Variants in LBH observed in about 807,000 individuals in gnomAD.
LBH encodes LBH regulator of Wnt signaling pathway.
A neutral mutation model predicts 12.5 loss-of-function variants in LBH; 7 were observed. The ratio of observed to expected loss-of-function variants is 0.56; its 90% CI spans 0.32 to 1.05. LBH has a LOEUF of 1.05. Among genes scored for constraint, LBH ranks in the 50% least tolerant of loss-of-function variants. LBH has a pLI of 0.04. For synonymous variants in LBH, 51 were observed against 50.1 expected (o/e 1.02, Z -0.08); for missense variants, 119 against 138.9 (o/e 0.86, Z 0.72).
intron 2 of LBH, among the ~76,000 whole-genome samples, chr2:30,251,795 T>C (rs892018551): frequency 6.6e-6 from 1 of 152,116 alleles, no homozygotes; most frequent in Non-Finnish European, 1.5e-5. Context: ...TAAATGGCCC[T>C]GTGTGGTGAG....
At chr2:30,244,741 C>T (rs998124306) in intron 2 of LBH, among the ~76,000 whole-genome samples, 2 of 151,756 alleles carry the variant, frequency 1.3e-5, no homozygotes, top group Non-Finnish European at 2.9e-5. Context: ...ATCTCTACAA[C>T]AAATACAAAA....
chr2:30,243,861 A>T (rs1366658991), intron 2 of LBH, among the ~76,000 whole-genome samples: 2 of 151,964 alleles, frequency 1.3e-5, no homozygotes, highest in African/African-American at 4.8e-5. Context: ...ATCTTAACAT[A>T]ATGGAAGTCT....
At chr2:30,250,458 G>A (rs1486012245) in intron 2 of LBH, among the ~76,000 whole-genome samples, 1 of 151,856 alleles carries the variant, frequency 6.6e-6, no homozygotes, top group East Asian at 1.9e-4. Context: ...TCTTTGCAGA[G>A]CCCTCGGCCT....
At chr2:30,234,272 C>A in intron 1 of LBH, 133 bp from the exon 2 acceptor site, 1 of 707,886 alleles carries the variant, frequency 1.4e-6, no homozygotes, top group Non-Finnish European at 2.5e-6. Context: ...GCTTGTTTTG[C>A]TGCAAGTTCT....
In LBH at chr2:30,259,575, G is replaced by C. The variant is rs957821332; in HGVS notation, c.*1954G>C. The C allele has an allele frequency of 6.5e-6, 1 of 152,726 alleles. No homozygotes were observed. The highest frequency in any genetic ancestry group is 1.5e-5 in the Non-Finnish European group (1 of 68,138). 9.5% of individuals were successfully genotyped at this position (152,726 alleles called of 1,614,324 possible). On this transcript the variant is annotated 3_prime_UTR_variant, in exon 3 of 3. Transcript: ENST00000395323. Reference sequence around the variant, plus strand: ...CCTTATCTGCTACCCTGAATCACCTGTCCTGGTCTTGCTGTGTGATGGGAA... The same window carrying C: ...CCTTATCTGCTACCCTGAATCACCTCTCCTGGTCTTGCTGTGTGATGGGAA...
At chr2:30,232,445 C>T in intron 1 of LBH, 2 of 518,670 alleles carry the variant, frequency 3.9e-6, no homozygotes, top group Non-Finnish European at 3.3e-6. Context: ...GAGGTTTGCC[C>T]CGGACTGGGG....
At chr2:30,234,104 C>T (rs1286468929) in intron 1 of LBH, among the ~76,000 whole-genome samples, 2 of 152,162 alleles carry the variant, frequency 1.3e-5, no homozygotes, top group Non-Finnish European at 2.9e-5. Flanking sequence ...CTGGTTCTGT[C>T]ATTTAAAGAA....
intron 2 of LBH, among the ~76,000 whole-genome samples, chr2:30,255,538 C>A (rs1678069767): frequency 6.6e-6 from 1 of 152,148 alleles, no homozygotes; most frequent in Admixed American, 6.5e-5. Context: ...GCTTAATCCC[C>A]AGCAATAGGT....
intron 2 of LBH, among the ~76,000 whole-genome samples, chr2:30,247,904 C>T (rs2103560791): frequency 6.6e-6 from 1 of 152,302 alleles, no homozygotes; most frequent in South Asian, 2.1e-4. Context: ...CAGTTTCTTC[C>T]ACTGTTGCTT....
At chr2:30,245,293 T>G (rs1005074024) in intron 2 of LBH, among the ~76,000 whole-genome samples, 2 of 152,238 alleles carry the variant, frequency 1.3e-5, no homozygotes, top group African/African-American at 2.4e-5. Flanking sequence ...GTATTTGTAA[T>G]CCATTTAGTA....
chr2:30,232,398 TGAAGGGGAAGGAGCCC>T (rs1440446423), intron 1 of LBH: 175 of 809,760 alleles, frequency 2.2e-4, no homozygotes, highest in Non-Finnish European at 3.0e-4. Flanking sequence ...TTCGCCGTGC[TGAAGGGGAAGGAGCCC>T]GGGCCGGGCG....
At chr2:30,251,232 C>A (rs1677973437) in intron 2 of LBH, among the ~76,000 whole-genome samples, 1 of 151,632 alleles carries the variant, frequency 6.6e-6, no homozygotes, top group African/African-American at 2.4e-5. Flanking sequence ...ATTTTAGCCA[C>A]CTTTCAAGTG....
intron 2 of LBH, among the ~76,000 whole-genome samples, chr2:30,238,751 C>T (rs1677733015): frequency 6.6e-6 from 1 of 152,164 alleles, no homozygotes; most frequent in African/African-American, 2.4e-5. Context: ...AGAGCCTCAG[C>T]TATGGCCCTG....
intron 2 of LBH, among the ~76,000 whole-genome samples, chr2:30,255,136 T>C (rs953212167): frequency 3.3e-5 from 5 of 152,256 alleles, no homozygotes; most frequent in African/African-American, 9.6e-5. Context: ...AGCTGACATC[T>C]GAAAGAGCTT....
intron 2 of LBH, among the ~76,000 whole-genome samples, chr2:30,243,232 T>A (rs1172732755): frequency 1.3e-5 from 2 of 152,270 alleles, no homozygotes; most frequent in African/African-American, 4.8e-5. Flanking sequence ...GCAAAATAGC[T>A]GGTGATCATA....
At chr2:30,246,647 A>G (rs1169396466) in intron 2 of LBH, among the ~76,000 whole-genome samples, 2 of 152,188 alleles carry the variant, frequency 1.3e-5, no homozygotes, top group Admixed American at 6.5e-5. Context: ...CTGTTGCAGT[A>G]TGTGTTGGTT....
At chr2:30,234,358 G>A in intron 1 of LBH, 47 bp from the exon 2 acceptor site, 1 of 1,425,434 alleles carries the variant, frequency 7.0e-7, no homozygotes, top group Non-Finnish European at 9.9e-7. Context: ...AGTTAGGAAT[G>A]TGAAAGCGCG....
intron 1 of LBH, 25 bp from the exon 2 acceptor site, chr2:30,234,380 A>T: frequency 6.3e-7 from 1 of 1,584,538 alleles, no homozygotes; most frequent in Non-Finnish European, 8.7e-7. Flanking sequence ...GTGTTTGTTG[A>T]CTTTTGGTCT....
chr2:30,254,549 T>A (rs1678045899), intron 2 of LBH, among the ~76,000 whole-genome samples: 1 of 152,142 alleles, frequency 6.6e-6, no homozygotes, highest in Non-Finnish European at 1.5e-5. Flanking sequence ...CAGCTTGAAG[T>A]GAAATCCAAT....
Sources: gnomAD v4.1 joint callset for allele counts (sites outside exome capture counted in the v4.1 genomes callset) on GRCh38, gnomAD v4.1.1 for gene constraint, MANE v1.5 for transcripts, NCBI Gene and HGNC (gene_info 2026-07-23, HGNC 2026-07-21) for gene names.